The following LAMC2 variants were observed in gnomAD, a reference collection of about 807,000 sequenced individuals.
LAMC2 encodes the protein laminin subunit gamma 2, also known as laminin subunit gamma-2.
Under a neutral mutation model 140.2 loss-of-function variants are expected in LAMC2, and 97 were observed. The observed-to-expected ratio is 0.69, with a 90% CI of 0.59 to 0.82. The LOEUF is 0.82. Among genes scored for constraint, LAMC2 ranks in the 40% least tolerant of loss-of-function variants. The pLI, the probability that LAMC2 is intolerant of heterozygous loss-of-function variation, is 0.00. For missense variants in LAMC2, 1,402 were observed against 1,476.1 expected, an observed-to-expected ratio of 0.95 and a Z score of 0.82; for synonymous variants, 513 against 540.2, an observed-to-expected ratio of 0.95 and a Z score of 0.70.
At chr1:183,232,593 T>C (rs757459914) in intron 13 of LAMC2, 59 bp from the exon 14 acceptor site, 87 of 1,471,456 alleles carry the variant, frequency 5.9e-5, no homozygotes, top group Non-Finnish European at 7.2e-5. Flanking sequence ...TCCGTTATGT[T>C]TGCTAACTCT....
At position 183,214,258 on chromosome 1, in the gene LAMC2, G is replaced by A. The variant is rs116620365; in HGVS notation, c.269-1195G>A. 1.5e-3 allele frequency among the ~76,000 whole-genome samples: 225 copies of A among 152,226 alleles called. 3 individuals carry two copies. The highest frequency in any genetic ancestry group is 4.3e-3 in the African/African-American group (180 of 41,532). Reference sequence around the variant, plus strand: ...GCACCATGCTGGGCAGTGGGAATACGGCAGGTGACATAAGGTGAGATCATC... The same window carrying A: ...GCACCATGCTGGGCAGTGGGAATACAGCAGGTGACATAAGGTGAGATCATC... On this transcript the variant is annotated intron_variant, in intron 2 of 22. Coordinates refer to ENST00000264144, the MANE Select transcript of LAMC2 (RefSeq NM_005562.3).
At chr1:183,196,491 A>G (rs1412349586) in intron 1 of LAMC2, among the ~76,000 whole-genome samples, 4 of 152,244 alleles carry the variant, frequency 2.6e-5, no homozygotes, top group African/African-American at 4.8e-5. Flanking sequence ...GACCCTTTCA[A>G]TAATTGCTTT....
At chr1:183,186,957 A>G (rs1051071326) in intron 1 of LAMC2, among the ~76,000 whole-genome samples, 3 of 152,240 alleles carry the variant, frequency 2.0e-5, no homozygotes, top group Admixed American at 1.3e-4. Flanking sequence ...TTCATGTAAT[A>G]TTCATTCAAC....
At chr1:183,254,266 G>T in the LAMC2 span, among the ~76,000 whole-genome samples, 1 of 152,008 alleles carries the variant, frequency 6.6e-6, no homozygotes, top group Non-Finnish European at 1.5e-5. Flanking sequence ...TTATCTTTTT[G>T]ATAATAGCTA....
intron 2 of LAMC2, among the ~76,000 whole-genome samples, chr1:183,212,926 A>G (rs1423996944): frequency 6.6e-6 from 1 of 152,124 alleles, no homozygotes; most frequent in East Asian, 1.9e-4. Flanking sequence ...TGTTTGTTCT[A>G]TATCCACAGT....
intron 11 of LAMC2, among the ~76,000 whole-genome samples, chr1:183,230,298 T>A (rs979901482): frequency 6.6e-6 from 1 of 152,210 alleles, no homozygotes; most frequent in African/African-American, 2.4e-5. Flanking sequence ...CAAATATGTA[T>A]GCAAATAATG....
the LAMC2 span, chr1:183,250,844 T>G: frequency 1.3e-5 from 2 of 152,662 alleles, no homozygotes; most frequent in Admixed American, 1.3e-4. Context: ...TTCCCGCAAT[T>G]GAAGGATGTT....
At chr1:183,225,574 G>A (rs779783236) in intron 7 of LAMC2, 34 bp from the exon 8 acceptor site, 24 of 1,423,830 alleles carry the variant, frequency 1.7e-5, no homozygotes, top group African/African-American at 1.1e-4. Flanking sequence ...GGTAAGAATC[G>A]GATTTTTAAA....
chr1:183,191,498 C>CTT (rs58871555), intron 1 of LAMC2, among the ~76,000 whole-genome samples: 129 of 138,880 alleles, frequency 9.3e-4, no homozygotes, highest in African/African-American at 2.2e-3. Context: ...AACTTACTGA[C>CTT]TTTTTTTTTT....
chr1:183,224,730 G>A (rs911282885), intron 7 of LAMC2, among the ~76,000 whole-genome samples: 1 of 150,874 alleles, frequency 6.6e-6, no homozygotes, highest in African/African-American at 2.4e-5. Context: ...TGGAATACTC[G>A]TTCCCACCTT....
At chr1:183,208,317 A>T (rs1409348847) in intron 2 of LAMC2, among the ~76,000 whole-genome samples, 2 of 152,216 alleles carry the variant, frequency 1.3e-5, no homozygotes, top group African/African-American at 4.8e-5. Flanking sequence ...TGGTGGAACC[A>T]GTTGGGACCT....
chr1:183,206,511 G>A (rs1272342878), intron 1 of LAMC2, among the ~76,000 whole-genome samples: 2 of 152,106 alleles, frequency 1.3e-5, no homozygotes, highest in Non-Finnish European at 2.9e-5. Flanking sequence ...TGGGCATGGT[G>A]GTGCGCACCT....
Position 183,243,408 on chromosome 1 carries a change from A to G in LAMC2, c.*8A>G. On this transcript the variant is annotated 3_prime_UTR_variant, in exon 23 of 23. Transcript: ENST00000264144. ...GCTCTTGAGCAACAGTGAAGCTGCC[A>G]TAAATATTTCTCAACTGAGGTTCTT... is the stretch of plus-strand genomic sequence containing the variant. 6.2e-7 allele frequency: 1 copy of G among 1,614,226 alleles called. No homozygotes were observed. The highest frequency in any genetic ancestry group is 8.5e-7 in the Non-Finnish European group (1 of 1,180,032).
At chr1:183,249,682 CGTGTGTGTGTGTGTGTGTGTGTGT>C (rs3841433), downstream of LAMC2, 15 of 119,516 alleles carry the variant, frequency 1.3e-4, no homozygotes, top group Admixed American at 5.1e-4. Context: ...AAGAGTAGGG[CGTGTGTGTGTGTGTGTGTGTGTGT>C]GTGTGTGTGT....
chr1:183,235,779 C>A, intron 16 of LAMC2, 49 bp downstream of exon 16: 1 of 1,599,162 alleles, frequency 6.3e-7, no homozygotes, highest in Non-Finnish European at 8.6e-7. Flanking sequence ...TGGATACTCC[C>A]AGGGCAAAAT....
At chr1:183,193,034 T>C (rs1658396559) in intron 1 of LAMC2, among the ~76,000 whole-genome samples, 1 of 152,198 alleles carries the variant, frequency 6.6e-6, no homozygotes, top group Non-Finnish European at 1.5e-5. Flanking sequence ...ATCTTCAAGC[T>C]TGATGGAACC....
chr1:183,216,574 T>C (rs1659264036), intron 3 of LAMC2, among the ~76,000 whole-genome samples: 1 of 152,132 alleles, frequency 6.6e-6, no homozygotes, highest in African/African-American at 2.4e-5. Context: ...CAAGTGCATG[T>C]GGCCTTGGCA....
At chr1:183,221,686 G>A (rs1029230247) in intron 5 of LAMC2, among the ~76,000 whole-genome samples, 20 of 150,944 alleles carry the variant, frequency 1.3e-4, no homozygotes, top group Non-Finnish European at 2.8e-4. Flanking sequence ...CCGAGATCGC[G>A]CCACTGCACT....
At chr1:183,192,817 G>A (rs1430868514) in intron 1 of LAMC2, among the ~76,000 whole-genome samples, 7 of 152,188 alleles carry the variant, frequency 4.6e-5, no homozygotes, top group Non-Finnish European at 8.8e-5. Flanking sequence ...CAATTCTCCT[G>A]TGTCAGCTTC....
Sources: allele counts gnomAD v4.1 joint callset (sites outside exome capture counted in the v4.1 genomes callset), GRCh38; gene constraint gnomAD v4.1.1; transcripts MANE v1.5; gene names NCBI Gene and HGNC (gene_info 2026-07-23, HGNC 2026-07-21).